The following DIAPH3 variants were observed in gnomAD, a reference collection of about 807,000 sequenced individuals.
The protein encoded by DIAPH3 is protein diaphanous homolog 3.
Under a neutral mutation model 144.3 loss-of-function variants are expected in DIAPH3, and 117 were observed. The observed-to-expected ratio is 0.81, with a 90% CI of 0.70 to 0.95. DIAPH3 has a LOEUF of 0.95. Ranked by LOEUF, DIAPH3 falls within the 40% of genes least tolerant of loss-of-function variation. The pLI is 0.00. For synonymous variants in DIAPH3, 519 were observed against 488.9 expected (o/e 1.06, Z -0.81); for missense variants, 1,421 against 1,412.7 (o/e 1.01, Z -0.09).
At chr13:60,058,141 C>G (rs1458886905) in intron 4 of DIAPH3, among the ~76,000 whole-genome samples, 1 of 151,530 alleles carries the variant, frequency 6.6e-6, no homozygotes, top group Non-Finnish European at 1.5e-5. Context: ...AATTATGCAT[C>G]TGACAAAGAA....
At chr13:59,829,849 C>G (rs2139699868) in intron 24 of DIAPH3, among the ~76,000 whole-genome samples, 1 of 151,882 alleles carries the variant, frequency 6.6e-6, no homozygotes, top group South Asian at 2.1e-4. Context: ...TGGAAAACTG[C>G]CAATGGGGGA....
chr13:60,080,901 C>G (rs1181842175), intron 4 of DIAPH3, among the ~76,000 whole-genome samples: 1 of 151,940 alleles, frequency 6.6e-6, no homozygotes, highest in Non-Finnish European at 1.5e-5. Context: ...GATAAAAACT[C>G]TTAGATGCCT....
chr13:59,693,717 A>C (rs1224619711), intron 27 of DIAPH3, among the ~76,000 whole-genome samples: 1 of 152,180 alleles, frequency 6.6e-6, no homozygotes, highest in Non-Finnish European at 1.5e-5. Context: ...AAGAGAAAGA[A>C]AATTATTGTA....
intron 4 of DIAPH3, among the ~76,000 whole-genome samples, chr13:60,056,288 G>A (rs1431999804): frequency 2.0e-5 from 3 of 150,928 alleles, no homozygotes; most frequent in Non-Finnish European, 1.5e-5. Flanking sequence ...AGAGGAGAGA[G>A]AACGAGCAAT....
At chr13:60,106,489 CA>C (rs1257777774) in intron 3 of DIAPH3, among the ~76,000 whole-genome samples, 1 of 151,980 alleles carries the variant, frequency 6.6e-6, no homozygotes, top group Non-Finnish European at 1.5e-5. Context: ...CAATAATATA[CA>C]AAAAGGACAA....
chr13:59,884,176 C>T (rs137940624), intron 20 of DIAPH3, among the ~76,000 whole-genome samples: 38 of 152,188 alleles, frequency 2.5e-4, no homozygotes, highest in Middle Eastern at 3.4e-3. Context: ...GAACTATGCA[C>T]GCAAAAGATC....
At chr13:60,050,026 C>CA (rs1158528299) in intron 4 of DIAPH3, among the ~76,000 whole-genome samples, 1 of 152,042 alleles carries the variant, frequency 6.6e-6, no homozygotes, top group East Asian at 1.9e-4. Flanking sequence ...CCCATCTCTA[C>CA]AAAAAACATT....
chr13:60,003,937 T>C (rs954180044), intron 9 of DIAPH3, among the ~76,000 whole-genome samples: 12 of 152,084 alleles, frequency 7.9e-5, no homozygotes, highest in African/African-American at 2.9e-4. Context: ...AAGTTTAACA[T>C]TTTCTTACTA....
chr13:59,686,956 G>A (rs113079481), intron 27 of DIAPH3, among the ~76,000 whole-genome samples: 1 of 152,052 alleles, frequency 6.6e-6, no homozygotes, highest in African/African-American at 2.4e-5. Flanking sequence ...GAGCCATGGA[G>A]GTGCTAGGGG....
rs114942295 is a variant in DIAPH3, at chr13:59,670,880, G to A, written c.3320-4034C>T. Among the ~76,000 whole-genome samples, 456 of 152,148 alleles carry A rather than the reference G, an allele frequency of 3.0e-3. 3 individuals are homozygous for A. Among genetic ancestry groups the A allele is most frequent in the African/African-American group, 0.01 (433 of 41,518 alleles). On this transcript the variant is annotated intron_variant, in intron 27 of 27. Coordinates refer to ENST00000400324, the MANE Select transcript of DIAPH3 (RefSeq NM_001042517.2). ...ATTTCAGGTGTGAGCTACTGCACCC[G>A]GCCGGAAGTTCACTTTTTTAAAGCC...
At chr13:59,822,686 C>T (rs571145889) in intron 24 of DIAPH3, among the ~76,000 whole-genome samples, 44 of 152,204 alleles carry the variant, frequency 2.9e-4, no homozygotes, top group African/African-American at 9.9e-4. Context: ...TCGTGATCCA[C>T]CCACTCGGCC....
At position 59,861,502 on chromosome 13, in the gene DIAPH3, G is replaced by A. The variant is rs932213809; in HGVS notation, c.2642C>T (p.Thr881Met). 7.4e-6 allele frequency: 12 copies of A among 1,613,626 alleles called. No individual in the cohort carries two copies. The highest frequency in any genetic ancestry group is 2.2e-5 in the East Asian group (1 of 44,786). The part of the protein sequence containing the change: ...KDTKSADQKT[T>M]LLHFLVEICE... The stretch of plus-strand genomic sequence containing the variant: ...TATTTCTACCAGGAAATGAAGTAGC[G>A]TTGTTTTCTGATCTGCTGATTTTGT... Residue 881 changes from threonine (T) to methionine (M), a missense_variant, in exon 22 of 28, where the codon ACG (threonine) becomes ATG (methionine). Thr to Met is a moderately conservative substitution (Grantham distance 81). Transcript: ENST00000400324.
intron 20 of DIAPH3, among the ~76,000 whole-genome samples, chr13:59,880,585 C>T: frequency 6.6e-6 from 1 of 151,774 alleles, no homozygotes; most frequent in Admixed American, 6.6e-5. Flanking sequence ...TAATAATGAC[C>T]GTTACTTAAA....
chr13:60,126,601 C>T (rs2138187490), intron 2 of DIAPH3, among the ~76,000 whole-genome samples: 1 of 152,226 alleles, frequency 6.6e-6, no homozygotes, highest in Non-Finnish European at 1.5e-5. Flanking sequence ...CACTACCAAC[C>T]ATTCAGAATA....
intron 15 of DIAPH3, 48 bp from the exon 16 acceptor site, chr13:59,971,208 A>C: frequency 6.6e-7 from 1 of 1,504,424 alleles, no homozygotes; most frequent in South Asian, 1.2e-5. Flanking sequence ...TATCTACAAA[A>C]CATGTAAATA....
intron 4 of DIAPH3, among the ~76,000 whole-genome samples, chr13:60,043,779 A>C (rs185771840): frequency 4.5e-4 from 68 of 152,334 alleles, no homozygotes; most frequent in African/African-American, 1.6e-3. Context: ...TAGCTTTACT[A>C]CATATGGGGA....
intron 20 of DIAPH3, among the ~76,000 whole-genome samples, chr13:59,900,948 A>G (rs2046395359): frequency 6.6e-6 from 1 of 152,222 alleles, no homozygotes. Flanking sequence ...CCTATGCCCC[A>G]AATCCAATCT....
chr13:59,754,532 T>C (rs979735640), intron 27 of DIAPH3, among the ~76,000 whole-genome samples: 6 of 152,160 alleles, frequency 3.9e-5, no homozygotes, highest in Non-Finnish European at 8.8e-5. Flanking sequence ...AGTTCTGAGT[T>C]TGTATCCTGA....
At chr13:59,787,036 G>A (rs1330167359) in intron 25 of DIAPH3, among the ~76,000 whole-genome samples, 1 of 152,138 alleles carries the variant, frequency 6.6e-6, no homozygotes, top group Non-Finnish European at 1.5e-5. Flanking sequence ...AGGAAGTTGA[G>A]GCTGCAGTGA....
Sources: gnomAD v4.1 joint callset for allele counts (sites outside exome capture counted in the v4.1 genomes callset) on GRCh38, gnomAD v4.1.1 for gene constraint, MANE v1.5 for transcripts, NCBI Gene and HGNC (gene_info 2026-07-23, HGNC 2026-07-21) for gene names.